PIP5K1B: variants seen among roughly 807,000 people sequenced by gnomAD.
PIP5K1B encodes the protein phosphatidylinositol 4-phosphate 5-kinase type-1 beta.
A neutral mutation model predicts 67.0 loss-of-function variants in PIP5K1B; 42 were observed. That is an observed-to-expected ratio of 0.63 (90% CI 0.49 to 0.81). The LOEUF is 0.81. Ranked by LOEUF, PIP5K1B falls within the 30% of genes least tolerant of loss-of-function variation. The pLI, the probability that PIP5K1B is intolerant of heterozygous loss-of-function variation, is 0.00. For missense variants in PIP5K1B, 459 were observed against 646.3 expected (o/e 0.71, Z 3.14); for synonymous variants, 214 against 231.4 (o/e 0.92, Z 0.68).
intron 2 of PIP5K1B, among the ~76,000 whole-genome samples, chr9:68,811,670 G>T (rs1833175739): frequency 1.3e-5 from 2 of 152,084 alleles, no homozygotes; most frequent in Admixed American, 1.3e-4. Context: ...AGCAATAGTG[G>T]CATCATGTTG....
chr9:68,996,017 T>C (rs1409404243), intron 15 of PIP5K1B, among the ~76,000 whole-genome samples: 1 of 152,244 alleles, frequency 6.6e-6, no homozygotes, highest in Non-Finnish European at 1.5e-5. Context: ...CTTGTAATGC[T>C]TCTTCTCCTT....
At chr9:68,874,633 C>T (rs570454633) in intron 5 of PIP5K1B, among the ~76,000 whole-genome samples, 43 of 152,294 alleles carry the variant, frequency 2.8e-4, no homozygotes, top group South Asian at 6.2e-4. Flanking sequence ...GCAGCATCCT[C>T]TCTGATAAAA....
chr9:68,716,774 A>G (rs1827653866), intron 1 of PIP5K1B, among the ~76,000 whole-genome samples: 1 of 152,244 alleles, frequency 6.6e-6, no homozygotes, highest in Admixed American at 6.5e-5. Context: ...GTTTTATCAG[A>G]AAGACACCTG....
At chr9:68,787,627 T>C (rs373079271) in intron 2 of PIP5K1B, among the ~76,000 whole-genome samples, 1 of 150,446 alleles carries the variant, frequency 6.6e-6, no homozygotes, top group Non-Finnish European at 1.5e-5. Context: ...TTTTTCTTTC[T>C]AATCTTTCTT....
chr9:68,859,853 T>G (rs890192708), intron 4 of PIP5K1B, among the ~76,000 whole-genome samples: 1 of 152,216 alleles, frequency 6.6e-6, no homozygotes, highest in Non-Finnish European at 1.5e-5. Flanking sequence ...GGCTTAATAT[T>G]AGGATGTGCC....
chr9:68,849,906 G>C (rs768482555), intron 4 of PIP5K1B, among the ~76,000 whole-genome samples: 18 of 152,122 alleles, frequency 1.2e-4, no homozygotes, highest in Non-Finnish European at 2.6e-4. Flanking sequence ...TTATCTTTCA[G>C]TCTGATATAT....
intron 15 of PIP5K1B, among the ~76,000 whole-genome samples, chr9:69,002,080 A>T (rs1017090385): frequency 2.0e-5 from 3 of 152,206 alleles, no homozygotes; most frequent in Non-Finnish European, 2.9e-5. Context: ...TTAGTGTGGG[A>T]TGCTTTAATG....
intron 2 of PIP5K1B, among the ~76,000 whole-genome samples, chr9:68,811,800 C>G (rs963183089): frequency 3.9e-5 from 6 of 152,116 alleles, no homozygotes; most frequent in Non-Finnish European, 5.9e-5. Context: ...TTCTGTTTTC[C>G]CTAATAGACC....
At chr9:68,886,101 C>T (rs1279379884) in intron 6 of PIP5K1B, among the ~76,000 whole-genome samples, 1 of 152,048 alleles carries the variant, frequency 6.6e-6, no homozygotes, top group African/African-American at 2.4e-5. Flanking sequence ...AGGGTGTGAA[C>T]CCGGGAGGCG....
chr9:68,919,514 A>G lies in PIP5K1B; in HGVS notation c.1019A>G (p.Glu340Gly), dbSNP rs1247067711. 6.2e-7 allele frequency: 1 copy of G among 1,601,470 alleles called. No individual in the cohort carries two copies. Among genetic ancestry groups the G allele is most frequent in the Non-Finnish European group, 8.5e-7 (1 of 1,171,570 alleles). ...GGIPAKSHRGEKLLLFMGIID... is the reference protein window; with the variant it reads ...GGIPAKSHRGGKLLLFMGIID... ...ATTCCAGCTAAAAGCCATAGGGGAG[A>G]AAAACTACTTTTATTTATGGGCATT... The change falls in exon 10 of 16, where the codon GAA (glutamate) becomes GGA (glycine). Residue 340 changes from glutamate to glycine, a missense_variant. Physicochemically the swap from Glu to Gly is moderately conservative, Grantham distance 98. Coordinates refer to ENST00000265382, the MANE Select transcript of PIP5K1B (RefSeq NM_003558.4).
At chr9:68,712,424 A>C (rs1827438219) in intron 1 of PIP5K1B, among the ~76,000 whole-genome samples, 1 of 152,224 alleles carries the variant, frequency 6.6e-6, no homozygotes, top group Admixed American at 6.5e-5. Flanking sequence ...ACGGATACTT[A>C]TTCATTTATG....
intron 1 of PIP5K1B, chr9:68,742,278 C>G (rs984891462): frequency 6.6e-5 from 10 of 152,278 alleles, no homozygotes; most frequent in Non-Finnish European, 7.3e-5. Context: ...TTCTAAACAG[C>G]TGAGTTTTGG....
chr9:69,006,147 A>T (rs1336998769), intron 15 of PIP5K1B, among the ~76,000 whole-genome samples: 1 of 152,156 alleles, frequency 6.6e-6, no homozygotes, highest in Non-Finnish European at 1.5e-5. Context: ...TGCTGGGATT[A>T]TAGACGTGAC....
chr9:68,993,735 A>C (rs1830479804), intron 15 of PIP5K1B, among the ~76,000 whole-genome samples: 1 of 152,098 alleles, frequency 6.6e-6, no homozygotes. Context: ...GTAAAATCTC[A>C]TCTTCATGAG....
At chr9:68,852,407 G>A (rs1264334777) in intron 4 of PIP5K1B, among the ~76,000 whole-genome samples, 4 of 152,070 alleles carry the variant, frequency 2.6e-5, no homozygotes, top group African/African-American at 4.8e-5. Flanking sequence ...CCCAGAGTAG[G>A]AATCATCTGG....
chr9:68,781,059 T>TG, intron 2 of PIP5K1B: 1 of 1,587,674 alleles, frequency 6.3e-7, no homozygotes, highest in Non-Finnish European at 8.6e-7. Context: ...CTTTTTGCAG[T>TG]GGAGAGAGAG....
intron 3 of PIP5K1B, among the ~76,000 whole-genome samples, chr9:68,819,963 C>G (rs1348027023): frequency 6.6e-6 from 1 of 152,168 alleles, no homozygotes; most frequent in Non-Finnish European, 1.5e-5. Flanking sequence ...CTCCTCTTCC[C>G]TACTGTCAAG....
At chr9:68,835,469 G>C (rs1053734666) in intron 4 of PIP5K1B, among the ~76,000 whole-genome samples, 1 of 152,232 alleles carries the variant, frequency 6.6e-6, no homozygotes, top group Non-Finnish European at 1.5e-5. Flanking sequence ...CAGGAAGATG[G>C]TAATTGGCTG....
chr9:68,766,480 G>A (rs1830434188), intron 2 of PIP5K1B, among the ~76,000 whole-genome samples: 3 of 152,048 alleles, frequency 2.0e-5, no homozygotes, highest in African/African-American at 7.2e-5. Flanking sequence ...AGAAGGTCAT[G>A]GAATAGCCAT....
Sources: allele counts gnomAD v4.1 joint callset (sites outside exome capture counted in the v4.1 genomes callset), GRCh38; gene constraint gnomAD v4.1.1; transcripts MANE v1.5; gene names NCBI Gene and HGNC (gene_info 2026-07-23, HGNC 2026-07-21).